Variants in RHOBTB2 observed in about 807,000 individuals in gnomAD.
RHOBTB2 encodes rho-related BTB domain-containing protein 2.
In RHOBTB2, 39 loss-of-function variants were observed where a neutral mutation model predicts 66.5. That is an observed-to-expected ratio of 0.59 (90% confidence interval 0.45 to 0.77). The LOEUF is 0.77. RHOBTB2 is among the 30% of genes least tolerant of loss of function. RHOBTB2 has a pLI of 0.00. For missense variants in RHOBTB2, 755 were observed against 999.1 expected (o/e 0.76, Z 3.29); for synonymous variants, 390 against 395.0 (o/e 0.99, Z 0.15).
rs144883643 is a variant in RHOBTB2, at chr8:23,007,075, G to A, written c.830G>A (p.Arg277His). The A allele has an allele frequency of 4.7e-4, 764 of 1,610,446 alleles. No homozygotes were observed. The highest frequency in any genetic ancestry group is 6.2e-4 in the Non-Finnish European group (734 of 1,179,484). The change falls in exon 5 of 10, where the codon CGC becomes CAC. Residue 277 changes from arginine (R) to histidine (H), a missense_variant. Arg to His is a conservative substitution (Grantham distance 29). Transcript: ENST00000251822. ...DVILVLQERV[R>H]IFAHKIYLST... ...ATCCTGGTGCTGCAGGAGCGGGTGC[G>A]CATCTTTGCCCACAAGATCTACCTC...
In RHOBTB2 at chr8:23,017,265, T is replaced by C; in HGVS notation, c.1980T>C (p.Tyr660=). 6.2e-7 allele frequency: 1 copy of C among 1,614,060 alleles called. No individual in the cohort carries two copies. Among genetic ancestry groups the C allele is most frequent in the Non-Finnish European group, 8.5e-7 (1 of 1,180,014 alleles). ...MKAMSPENQE[Y]FEKHRWPPVW... ...TCTCTGCTCCAGAAAACCAGGAGTA[T>C]TTCGAGAAGCATCGGTGGCCACCTG... Residue 660 remains tyrosine, a synonymous_variant, in exon 10 of 10, where the codon TAT becomes TAC. Transcript: ENST00000251822. This position sits in a 1 kb window ranked among gnomAD's most constrained non-coding sequence, Gnocchi z 5.3.
In RHOBTB2 at chr8:23,007,572, C is replaced by T. The variant is rs1563292435; in HGVS notation, c.1327C>T (p.Arg443Cys). The stretch of plus-strand genomic sequence containing the variant: ...CACGGGGGAGCTAGATGAGAACGAG[C>T]GTGACCTCATGCACATTGCCCACAT... ...LYTGELDENE[R>C]DLMHIAHIAE... is the part of the protein sequence containing the mutation. The change falls in exon 5 of 10, where the codon CGT (arginine) becomes TGT (cysteine). Residue 443 changes from arginine (R) to cysteine (C), a missense_variant. This residue lies in a region of RHOBTB2 where 353 missense variants were observed against 458.2 expected (regional missense o/e 0.77). Transcript: ENST00000251822. 3.7e-6 allele frequency: 6 copies of T among 1,614,164 alleles called. No homozygotes were observed. Among genetic ancestry groups the T allele is most frequent in the East Asian group, 2.2e-5 (1 of 44,892 alleles).
the RHOBTB2 span, among the ~76,000 whole-genome samples, chr8:22,974,362 T>C: frequency 6.6e-6 from 1 of 152,210 alleles, no homozygotes; most frequent in Non-Finnish European, 1.5e-5. Flanking sequence ...TGTTTTCATT[T>C]GACCTATATT....
the RHOBTB2 span, among the ~76,000 whole-genome samples, chr8:22,960,600 T>C: frequency 6.6e-6 from 1 of 152,192 alleles, no homozygotes; most frequent in Non-Finnish European, 1.5e-5. Flanking sequence ...ATTATAGGCA[T>C]GCGCTGCACC....
chr8:22,990,110 TATC>T (rs1305325410), intron 1 of RHOBTB2, among the ~76,000 whole-genome samples: 4 of 152,214 alleles, frequency 2.6e-5, no homozygotes, highest in Non-Finnish European at 1.5e-5. Flanking sequence ...CATGATAGCA[TATC>T]ATCATTTTAT....
In RHOBTB2 at chr8:23,007,019, C is replaced by T. The variant is rs368131597; in HGVS notation, c.774C>T (p.His258=). ...CCAGCAGCGAGGAGTGCCCCGCCCA[C>T]CTCCTGGAGGACCCGCTCTGCGCGG... is the stretch of plus-strand genomic sequence containing the variant. ...PPSSSEECPA[H]LLEDPLCADV... The change falls in exon 5 of 10, where the codon CAC becomes CAT. Residue 258 remains histidine (H), a synonymous_variant. Transcript: ENST00000251822. 2.9e-5 allele frequency: 47 copies of T among 1,608,578 alleles called. No individual in the cohort carries two copies. The highest frequency in any genetic ancestry group is 2.0e-4 in the Admixed American group (12 of 59,918).
chr8:22,969,022 CT>C, the RHOBTB2 span, among the ~76,000 whole-genome samples: 1 of 152,094 alleles, frequency 6.6e-6, no homozygotes, highest in African/African-American at 2.4e-5. Context: ...TTTAACACTG[CT>C]GATAAACACA....
At chr8:22,966,089 G>A in the RHOBTB2 span, among the ~76,000 whole-genome samples, 1 of 152,104 alleles carries the variant, frequency 6.6e-6, no homozygotes, top group Admixed American at 6.6e-5. Context: ...GGTGGCTCAT[G>A]CCTGTAATCC....
chr8:23,006,510 G>A lies in RHOBTB2; in HGVS notation c.483-218G>A. The A allele has an allele frequency of 3.4e-6, 2 of 592,544 alleles. No homozygotes were observed. Among genetic ancestry groups the A allele is most frequent in the Non-Finnish European group, 6.0e-6 (2 of 334,704 alleles). 36.7% of individuals were successfully genotyped at this position (592,544 alleles called of 1,614,324 possible). A position where few individuals can be genotyped will look rare whatever the true frequency, so the allele number is the denominator to read the frequency against. ...TGCTGTCACGGCTTTGTACTGGGGA[G>A]GTCACTGGGGCCTGGCATAGTAGGG... On this transcript the variant is annotated intron_variant, in intron 4 of 9. Transcript: ENST00000251822. The surrounding 1 kb of genome is among the most constrained non-coding windows in gnomAD (Gnocchi z 6.1).
intron 7 of RHOBTB2, among the ~76,000 whole-genome samples, chr8:23,013,301 G>T (rs566000558): frequency 1.6e-4 from 25 of 152,066 alleles, no homozygotes; most frequent in Non-Finnish European, 2.6e-4. Flanking sequence ...CTAGAACCTT[G>T]CTGGCCACCA....
At chr8:22,982,422 G>A (rs1045522046), upstream of RHOBTB2, among the ~76,000 whole-genome samples, 1 of 152,082 alleles carries the variant, frequency 6.6e-6, no homozygotes, top group Non-Finnish European at 1.5e-5. Context: ...AGGAGTTCGT[G>A]ACCAGCCTGG....
chr8:22,992,486 G>T (rs948460057), intron 2 of RHOBTB2, among the ~76,000 whole-genome samples: 1 of 152,140 alleles, frequency 6.6e-6, no homozygotes, highest in African/African-American at 2.4e-5. Flanking sequence ...TGGTCAAGGA[G>T]AAGGAGTCTT....
upstream of RHOBTB2, chr8:22,994,583 G>A (rs78886842): frequency 0.052 from 81,141 of 1,550,398 alleles, 2,545 homozygotes; most frequent in African/African-American, 0.13. Flanking sequence ...AACACAGAGC[G>A]ATGCAAGCCT....
In RHOBTB2 at chr8:23,005,184, A is replaced by G. The variant is rs112575842; in HGVS notation, c.193-188A>G. ...GGTCAGCTTGGAGGCCACCCTTGTT[A>G]TAGATTCTACAGAGATTTTACGTGG... On this transcript the variant is annotated intron_variant, in intron 2 of 9. Transcript: ENST00000251822. Among the ~76,000 whole-genome samples the G allele has an allele frequency of 7.5e-3, 1,143 of 152,198 alleles. 18 individuals are homozygous for G. Among genetic ancestry groups the G allele is most frequent in the Middle Eastern group, 0.027 (8 of 294 alleles).
chr8:22,996,361 T>G (rs1192333268), upstream of RHOBTB2, among the ~76,000 whole-genome samples: 1 of 152,118 alleles, frequency 6.6e-6, no homozygotes, highest in Non-Finnish European at 1.5e-5. Flanking sequence ...GCCAGGCACA[T>G]GGCAGGACAT....
At chr8:22,962,009 G>A in the RHOBTB2 span, among the ~76,000 whole-genome samples, 143,015 of 151,920 alleles carry the variant, frequency 0.94, 67,400 homozygotes, top group African/African-American at 0.98. Flanking sequence ...CCAAATTTAC[G>A]GAAAAGCCAG....
intron 1 of RHOBTB2, 81 bp downstream of exon 1, chr8:23,000,186 C>T (rs2128801411): frequency 2.1e-6 from 2 of 930,584 alleles, no homozygotes; most frequent in Non-Finnish European, 2.6e-6. Flanking sequence ...CCTGCCCTGC[C>T]GCGCCCCTCG....
At position 23,006,652 on chromosome 8, in the gene RHOBTB2, C is replaced by A. The variant is rs1162194326; in HGVS notation, c.483-76C>A. 2 of 1,411,880 alleles carry A rather than the reference C, an allele frequency of 1.4e-6. No homozygotes were observed. The highest frequency in any genetic ancestry group is 2.0e-6 in the Non-Finnish European group (2 of 1,022,424). 87.5% of individuals were successfully genotyped at this position (1,411,880 alleles called of 1,614,324 possible). A position where few individuals can be genotyped will look rare whatever the true frequency, so the allele number is the denominator to read the frequency against. On this transcript the variant is annotated intron_variant, in intron 4 of 9. Transcript: ENST00000251822. This position sits in a 1 kb window ranked among gnomAD's most constrained non-coding sequence, Gnocchi z 6.1. ...TTGGCACCCAGATCCTGAGCAGAGT[C>A]CCTCCAGCCTGTGGAAGAACAGGCA...
chr8:23,009,403 C>A (rs1246240162), intron 6 of RHOBTB2, among the ~76,000 whole-genome samples: 2 of 152,138 alleles, frequency 1.3e-5, no homozygotes, highest in African/African-American at 4.8e-5. Flanking sequence ...GTAGCCTGGG[C>A]AGTAGCCCTT....
Sources: allele counts gnomAD v4.1 joint callset (sites outside exome capture counted in the v4.1 genomes callset), GRCh38; gene constraint gnomAD v4.1.1; regional missense constraint gnomAD v4.1.1; non-coding constraint Gnocchi (gnomAD v3.1); transcripts MANE v1.5; gene names NCBI Gene and HGNC (gene_info 2026-07-23, HGNC 2026-07-21).